The following NDST3 variants were observed in gnomAD, a reference collection of about 807,000 sequenced individuals.
NDST3 encodes N-deacetylase and N-sulfotransferase 3, also known as bifunctional heparan sulfate N-deacetylase/N-sulfotransferase 3.
A neutral mutation model predicts 96.1 loss-of-function variants in NDST3; 58 were observed. The observed-to-expected ratio is 0.60, with a 90% confidence interval of 0.49 to 0.75. NDST3 has a LOEUF of 0.75. NDST3 is among the 30% of genes least tolerant of loss of function. The pLI is 0.00. For synonymous variants in NDST3, 333 were observed against 359.7 expected, an observed-to-expected ratio of 0.93 and a Z score of 0.84; for missense variants, 788 against 1,034.2, an observed-to-expected ratio of 0.76 and a Z score of 3.27.
chr4:118,037,190 C>T (rs78368814), intron 1 of NDST3, among the ~76,000 whole-genome samples: 1,648 of 151,892 alleles, frequency 0.011, 20 homozygotes, highest in African/African-American at 0.017. Flanking sequence ...GAGGCCAGGA[C>T]GAAGATAGAT....
intron 6 of NDST3, among the ~76,000 whole-genome samples, chr4:118,162,219 A>G (rs908443170): frequency 1.3e-5 from 2 of 152,136 alleles, no homozygotes; most frequent in Non-Finnish European, 2.9e-5. Context: ...CAAGCTACCA[A>G]TGACTTTCTT....
intron 1 of NDST3, among the ~76,000 whole-genome samples, chr4:118,046,951 G>C (rs969727652): frequency 6.6e-6 from 1 of 152,164 alleles, no homozygotes; most frequent in Non-Finnish European, 1.5e-5. Context: ...CAGACGCACT[G>C]TCAGTGATCA....
intron 6 of NDST3, among the ~76,000 whole-genome samples, chr4:118,155,230 ATGTTGT>A (rs1444139880): frequency 3.3e-5 from 5 of 152,166 alleles, no homozygotes; most frequent in Non-Finnish European, 7.4e-5. Flanking sequence ...TCCTTAAATA[ATGTTGT>A]TTCATTTAAT....
At chr4:118,136,910 T>G (rs1471041911) in intron 4 of NDST3, among the ~76,000 whole-genome samples, 1 of 152,160 alleles carries the variant, frequency 6.6e-6, no homozygotes, top group Non-Finnish European at 1.5e-5. Context: ...TTTGAGGGCC[T>G]TTTATGCTGT....
intron 2 of NDST3, among the ~76,000 whole-genome samples, chr4:118,078,109 G>A (rs1043952497): frequency 1.3e-5 from 2 of 152,094 alleles, no homozygotes; most frequent in Non-Finnish European, 2.9e-5. Flanking sequence ...GACCCCACGG[G>A]GCTCTCACTC....
chr4:118,210,271 C>T (rs913931191), intron 6 of NDST3, among the ~76,000 whole-genome samples: 10 of 152,114 alleles, frequency 6.6e-5, no homozygotes, highest in African/African-American at 2.2e-4. Flanking sequence ...GAGGTGTTTC[C>T]TGCAGGAGGG....
intron 2 of NDST3, among the ~76,000 whole-genome samples, chr4:118,058,970 T>G (rs1725680555): frequency 6.6e-6 from 1 of 152,062 alleles, no homozygotes; most frequent in Non-Finnish European, 1.5e-5. Flanking sequence ...AGAAGTCAAA[T>G]GAGAAGATTC....
chr4:118,129,603 A>C lies in NDST3; in HGVS notation c.1225-8451A>C, dbSNP rs1732429847. On this transcript the variant is annotated intron_variant, in intron 4 of 13. Coordinates refer to ENST00000296499, the MANE Select transcript of NDST3 (RefSeq NM_004784.3). ...TGTTTTAACACTTGTTTTATGACCT[A>C]ACATATGGTCTATCCTTGAAAATGA... Among the ~76,000 whole-genome samples the C allele has an allele frequency of 1.3e-5, 2 of 152,100 alleles. 1 individual carries two copies. Among genetic ancestry groups the C allele is most frequent in the South Asian group, 4.1e-4 (2 of 4,836 alleles).
rs1553951616 is a variant in NDST3, at chr4:118,258,190, C to T, written c.*2478C>T. ...ACAGGAGAAAAAGGAAGAGATCTTA[C>T]CAAAATTTATTCATTCACAAGTACA... is the stretch of plus-strand genomic sequence containing the variant. On this transcript the variant is annotated 3_prime_UTR_variant, in exon 14 of 14. Coordinates refer to ENST00000296499, the MANE Select transcript of NDST3 (RefSeq NM_004784.3). 6.6e-6 allele frequency: 1 copy of T among 152,138 alleles called. No individual in the cohort carries two copies. The highest frequency in any genetic ancestry group is 1.5e-5 in the Non-Finnish European group (1 of 68,016). 9.4% of individuals were successfully genotyped at this position (152,138 alleles called of 1,614,324 possible).
intron 2 of NDST3, among the ~76,000 whole-genome samples, chr4:118,063,121 T>G (rs1578558186): frequency 1.5e-5 from 2 of 131,580 alleles, no homozygotes; most frequent in South Asian, 2.4e-4. Flanking sequence ...ACCCGGGAGG[T>G]GGAGGTTGCA....
chr4:118,094,773 T>C (rs1194085638), intron 2 of NDST3, among the ~76,000 whole-genome samples: 1 of 151,870 alleles, frequency 6.6e-6, no homozygotes, highest in African/African-American at 2.4e-5. Context: ...GTTACCTTTA[T>C]TCTGTTAGCT....
chr4:118,193,857 C>T, intron 6 of NDST3: 1 of 1,223,038 alleles, frequency 8.2e-7, no homozygotes, highest in East Asian at 2.3e-5. Context: ...TGTGTTTCCT[C>T]ATTGGAAAAA....
rs58495674 is a variant in NDST3 at position 118,137,734 on chromosome 4, G to A, written c.1225-320G>A. Among the ~76,000 whole-genome samples, 721 of 152,234 alleles carry A rather than the reference G, an allele frequency of 4.7e-3. 6 individuals carry two copies. Among genetic ancestry groups the A allele is most frequent in the African/African-American group, 0.017 (691 of 41,560 alleles). The stretch of plus-strand genomic sequence containing the variant: ...GTAATAAGTGTCTAACATTTAACTT[G>A]TTGACGTATGGGCAATAGGAAAACA... On this transcript the variant is annotated intron_variant, in intron 4 of 13. Transcript: ENST00000296499.
upstream of NDST3, among the ~76,000 whole-genome samples, chr4:118,033,438 G>A (rs1010229435): frequency 6.6e-6 from 1 of 152,098 alleles, no homozygotes; most frequent in Non-Finnish European, 1.5e-5. Context: ...GCAGGCCGGG[G>A]CGGAACCCCC....
At chr4:118,194,379 G>T (rs1040722871) in intron 6 of NDST3, 3 of 729,214 alleles carry the variant, frequency 4.1e-6, no homozygotes, top group Middle Eastern at 2.5e-4. Context: ...CACGAGTGTG[G>T]CATTGGGGAG....
intron 6 of NDST3, among the ~76,000 whole-genome samples, chr4:118,174,034 T>C (rs905947252): frequency 6.6e-6 from 1 of 152,210 alleles, no homozygotes; most frequent in South Asian, 2.1e-4. Context: ...AAACTGGAAT[T>C]GAAGCATCAA....
chr4:118,245,864 C>T lies in NDST3; in HGVS notation c.2399+3715C>T, dbSNP rs906491030. On this transcript the variant is annotated intron_variant, in intron 12 of 13. Coordinates refer to ENST00000296499, the MANE Select transcript of NDST3 (RefSeq NM_004784.3). ...TTTCAGATTAAAAAAAACTGGGGCA[C>T]AGGAAAGTTAAGCCAAAGGTCACTC... is the stretch of plus-strand genomic sequence containing the variant. 8.6e-5 allele frequency among the ~76,000 whole-genome samples: 13 copies of T among 152,026 alleles called. No individual in the cohort carries two copies. In the East Asian group the frequency reaches 2.1e-3, roughly 25 times the overall value.
chr4:118,255,626 CACA>C lies in NDST3; in HGVS notation c.2539_2541del (p.Asn847del). 6.2e-7 allele frequency: 1 copy of C among 1,613,730 alleles called. No individual in the cohort carries two copies. The highest frequency in any genetic ancestry group is 8.5e-7 in the Non-Finnish European group (1 of 1,179,732). On this transcript the variant is annotated inframe_deletion, in exon 14 of 14. Coordinates refer to ENST00000296499, the MANE Select transcript of NDST3 (RefSeq NM_004784.3). Reference sequence around the variant, plus strand: ...ATTTCTGTCAAGCTACTATCGAGATCACAACGTGGAACTCTCAAAGCTGCTGCA... The same window carrying C: ...ATTTCTGTCAAGCTACTATCGAGATCACGTGGAACTCTCAAAGCTGCTGCA...
rs759001229 is a variant in NDST3 at position 118,226,936 on chromosome 4, T to G, written c.1773T>G (p.Thr591=). The change falls in exon 8 of 14, where the codon ACT becomes ACG. Residue 591 remains threonine, a synonymous_variant. Coordinates refer to ENST00000296499, the MANE Select transcript of NDST3 (RefSeq NM_004784.3). The part of the protein sequence containing the change: ...RHRDIWSKEK[T]CDRLPKFLVI... ...GAGACATTTGGTCTAAAGAAAAAAC[T>G]TGTGATCGCTTACCAAAATTCTTGG... The G allele has an allele frequency of 1.9e-6, 3 of 1,613,736 alleles. No individual in the cohort carries two copies. Among genetic ancestry groups the G allele is most frequent in the African/African-American group, 1.3e-5 (1 of 74,998 alleles).
Sources: gnomAD v4.1 joint callset for allele counts (sites outside exome capture counted in the v4.1 genomes callset) on GRCh38, gnomAD v4.1.1 for gene constraint, MANE v1.5 for transcripts, NCBI Gene and HGNC (gene_info 2026-07-23, HGNC 2026-07-21) for gene names.